The following RAP1A variants were observed in gnomAD, a reference collection of about 807,000 sequenced individuals.
The protein encoded by RAP1A is RAP1A, member of RAS oncogene family.
In RAP1A, 6 loss-of-function variants were observed where a neutral mutation model predicts 26.4. The observed-to-expected ratio is 0.23, with a 90% CI of 0.12 to 0.45. The LOEUF (loss-of-function observed/expected upper bound fraction) is 0.45. RAP1A is among the 20% of genes least tolerant of loss of function. The pLI, the probability that RAP1A is intolerant of heterozygous loss-of-function variation, is 0.99. For synonymous variants in RAP1A, 73 were observed against 79.4 expected (o/e 0.92, Z 0.43); for missense variants, 121 against 217.2 (o/e 0.56, Z 2.78).
At chr1:111,640,904 C>T (rs939033620) in intron 1 of RAP1A, among the ~76,000 whole-genome samples, 2 of 152,168 alleles carry the variant, frequency 1.3e-5, no homozygotes, top group African/African-American at 4.8e-5. Flanking sequence ...GTTGAGGCTG[C>T]AGTGAGCCAT....
intron 1 of RAP1A, among the ~76,000 whole-genome samples, chr1:111,570,252 T>C (rs186319561): frequency 2.0e-5 from 3 of 152,256 alleles, no homozygotes; most frequent in African/African-American, 7.2e-5. Flanking sequence ...CACAGTCCTA[T>C]TGTCTGTGTG....
intron 1 of RAP1A, among the ~76,000 whole-genome samples, chr1:111,646,433 AACAAAAC>A (rs1270846484): frequency 7.6e-6 from 1 of 132,252 alleles, no homozygotes; most frequent in Non-Finnish European, 1.5e-5. Flanking sequence ...AAAAAAAAAA[AACAAAAC>A]AAAACCTCAA....
At chr1:111,547,082 A>G (rs551736597) in intron 1 of RAP1A, among the ~76,000 whole-genome samples, 8 of 152,304 alleles carry the variant, frequency 5.3e-5, no homozygotes, top group African/African-American at 1.4e-4. Flanking sequence ...CATTGCTAAT[A>G]TATAGAAATA....
intron 1 of RAP1A, among the ~76,000 whole-genome samples, chr1:111,670,552 ATAAAC>A (rs998170030): frequency 3.3e-5 from 5 of 152,196 alleles, no homozygotes; most frequent in African/African-American, 1.2e-4. Context: ...AAACATTAGA[ATAAAC>A]TAAAGAAAGG....
At chr1:111,646,303 G>C (rs1385613431) in intron 1 of RAP1A, among the ~76,000 whole-genome samples, 1 of 151,266 alleles carries the variant, frequency 6.6e-6, no homozygotes, top group African/African-American at 2.4e-5. Flanking sequence ...GTATCCACTA[G>C]TATACCTCTG....
intron 1 of RAP1A, among the ~76,000 whole-genome samples, chr1:111,652,575 A>T (rs543686352): frequency 6.6e-6 from 1 of 152,292 alleles, no homozygotes; most frequent in East Asian, 1.9e-4. Context: ...CTTCATAGAT[A>T]AAGTTTGCTG....
chr1:111,566,828 G>A (rs1176725883), intron 1 of RAP1A, among the ~76,000 whole-genome samples: 1 of 150,972 alleles, frequency 6.6e-6, no homozygotes, highest in East Asian at 1.9e-4. Flanking sequence ...GCGTGCCCAG[G>A]TTTTGTGGAG....
intron 1 of RAP1A, among the ~76,000 whole-genome samples, chr1:111,687,628 A>G (rs1432943086): frequency 6.6e-6 from 1 of 152,136 alleles, no homozygotes; most frequent in Non-Finnish European, 1.5e-5. Flanking sequence ...AAGGACCTTA[A>G]GTATTCTATT....
intron 1 of RAP1A, among the ~76,000 whole-genome samples, chr1:111,561,727 CTCAT>C (rs1657746047): frequency 6.6e-6 from 1 of 152,118 alleles, no homozygotes; most frequent in Non-Finnish European, 1.5e-5. Flanking sequence ...GAGTCTTTCT[CTCAT>C]ATGTGTGTGT....
At chr1:111,615,829 CAAAAAAAAAA>C (rs34751097), upstream of RAP1A, among the ~76,000 whole-genome samples, 1 of 86,226 alleles carries the variant, frequency 1.2e-5, no homozygotes, top group Non-Finnish European at 2.4e-5. Context: ...GACTCTGTCT[CAAAAAAAAAA>C]AAAAAAAAAA....
In RAP1A at chr1:111,632,393, T is replaced by A. The variant is rs534862120; in HGVS notation, c.-28+12459T>A. Among the ~76,000 whole-genome samples the A allele has an allele frequency of 5.9e-5, 9 of 152,166 alleles. No individual in the cohort carries two copies. In the South Asian group the frequency reaches 1.7e-3, roughly 28 times the overall value. On this transcript the variant is annotated intron_variant, in intron 1 of 7. Coordinates refer to ENST00000369709, the MANE Select transcript of RAP1A (RefSeq NM_002884.4). ...ATCATAGGAATGGATACCTAGAGGA[T>A]GAAAGTAAATATAAGTAATTGAGAA...
At chr1:111,602,506 A>G (rs1316858222) in intron 1 of RAP1A, among the ~76,000 whole-genome samples, 1 of 152,168 alleles carries the variant, frequency 6.6e-6, no homozygotes, top group African/African-American at 2.4e-5. Flanking sequence ...GCTGAGACAC[A>G]GAGTTAGACT....
chr1:111,627,659 C>CT (rs1249911763), intron 1 of RAP1A: 1 of 151,582 alleles, frequency 6.6e-6, no homozygotes, highest in Non-Finnish European at 1.5e-5. Flanking sequence ...TCTGTAAAAC[C>CT]ATCATAGTGT....
intron 1 of RAP1A, among the ~76,000 whole-genome samples, chr1:111,674,231 T>TA (rs1661058174): frequency 6.6e-6 from 1 of 152,178 alleles, no homozygotes; most frequent in Non-Finnish European, 1.5e-5. Context: ...GGCATCCTTT[T>TA]ACGTGAAATA....
intron 1 of RAP1A, among the ~76,000 whole-genome samples, chr1:111,678,094 T>A (rs7551986): frequency 0.063 from 9,629 of 152,308 alleles, 329 homozygotes; most frequent in Non-Finnish European, 0.069. Flanking sequence ...TTGTTCTTTT[T>A]TAAAACCATA....
At chr1:111,662,189 A>G (rs1232095010) in intron 1 of RAP1A, among the ~76,000 whole-genome samples, 1 of 151,906 alleles carries the variant, frequency 6.6e-6, no homozygotes, top group Non-Finnish European at 1.5e-5. Flanking sequence ...AGGTCAGGAG[A>G]TTGAGACCAT....
At chr1:111,667,575 G>T (rs577905925) in intron 1 of RAP1A, among the ~76,000 whole-genome samples, 1 of 151,860 alleles carries the variant, frequency 6.6e-6, no homozygotes, top group African/African-American at 2.4e-5. Flanking sequence ...ACAGCTACTC[G>T]GGAGGCTTAG....
intron 1 of RAP1A, among the ~76,000 whole-genome samples, chr1:111,676,126 G>T (rs1027456508): frequency 3.3e-5 from 5 of 152,174 alleles, no homozygotes; most frequent in Non-Finnish European, 7.4e-5. Flanking sequence ...GGAGGCTGAG[G>T]ACAGGCGGAT....
chr1:111,580,094 C>A (rs977749050), intron 1 of RAP1A, among the ~76,000 whole-genome samples: 4 of 152,174 alleles, frequency 2.6e-5, no homozygotes, highest in African/African-American at 7.2e-5. Context: ...CTGCTCCCGG[C>A]TGCCTGTAAC....
Sources: gnomAD v4.1 joint callset for allele counts (sites outside exome capture counted in the v4.1 genomes callset) on GRCh38, gnomAD v4.1.1 for gene constraint, MANE v1.5 for transcripts, NCBI Gene and HGNC (gene_info 2026-07-23, HGNC 2026-07-21) for gene names.